The following MAN1A2 variants were observed in gnomAD, a reference collection of about 807,000 sequenced individuals.
MAN1A2 encodes mannosyl-oligosaccharide 1,2-alpha-mannosidase IB.
In MAN1A2, 26 loss-of-function variants were observed where a neutral mutation model predicts 75.7. The ratio of observed to expected loss-of-function variants is 0.34; its 90% CI spans 0.25 to 0.48. The LOEUF is 0.48. MAN1A2 is among the 20% of genes least tolerant of loss of function. The pLI is 0.99. For missense variants in MAN1A2, 562 were observed against 775.5 expected, an observed-to-expected ratio of 0.72 and a Z score of 3.27; for synonymous variants, 247 against 264.6, an observed-to-expected ratio of 0.93 and a Z score of 0.65.
At chr1:117,418,926 A>G (rs2101777864) in intron 4 of MAN1A2, among the ~76,000 whole-genome samples, 1 of 152,244 alleles carries the variant, frequency 6.6e-6, no homozygotes, top group Non-Finnish European at 1.5e-5. Context: ...GTCAGAAAAA[A>G]TTTCTGATAA....
At chr1:117,404,671 CT>C (rs2101757580) in intron 2 of MAN1A2, among the ~76,000 whole-genome samples, 1 of 152,254 alleles carries the variant, frequency 6.6e-6, no homozygotes, top group African/African-American at 2.4e-5. Context: ...TTGTTCCTAC[CT>C]GAATCACATG....
At chr1:117,459,575 G>T (rs750345627) in intron 6 of MAN1A2, among the ~76,000 whole-genome samples, 4 of 152,098 alleles carry the variant, frequency 2.6e-5, no homozygotes, top group Non-Finnish European at 5.9e-5. Flanking sequence ...GTGTTCAGAA[G>T]AAATTTAACC....
At chr1:117,483,956 A>G (rs1473091339) in intron 8 of MAN1A2, among the ~76,000 whole-genome samples, 1 of 151,688 alleles carries the variant, frequency 6.6e-6, no homozygotes, top group Non-Finnish European at 1.5e-5. Context: ...ATGGGGAGGG[A>G]TTTTGCATCA....
intron 1 of MAN1A2, among the ~76,000 whole-genome samples, chr1:117,392,323 C>G (rs1173104483): frequency 6.6e-6 from 1 of 151,888 alleles, no homozygotes; most frequent in Non-Finnish European, 1.5e-5. Context: ...ATTACTTGAT[C>G]TGCATGGCAA....
intron 8 of MAN1A2, among the ~76,000 whole-genome samples, chr1:117,469,868 A>G (rs560983509): frequency 6.6e-6 from 1 of 152,236 alleles, no homozygotes; most frequent in East Asian, 1.9e-4. Context: ...GTACACTGCT[A>G]GTAGGAATGT....
chr1:117,496,660 A>T, intron 9 of MAN1A2, 103 bp from the exon 10 acceptor site: 1 of 794,668 alleles, frequency 1.3e-6, no homozygotes. Context: ...ACTACTTTAT[A>T]GACTATCATA....
intron 12 of MAN1A2, among the ~76,000 whole-genome samples, chr1:117,521,375 C>T (rs1651866028): frequency 6.6e-6 from 1 of 151,826 alleles, no homozygotes; most frequent in African/African-American, 2.4e-5. Flanking sequence ...AACAGACAAC[C>T]CACAGAGTGG....
chr1:117,389,145 A>T (rs187310182), intron 1 of MAN1A2, among the ~76,000 whole-genome samples: 24 of 152,354 alleles, frequency 1.6e-4, no homozygotes, highest in Non-Finnish European at 3.1e-4. Flanking sequence ...CCAAAATCTC[A>T]TAAAATATTG....
chr1:117,465,519 T>A (rs1279147955), intron 7 of MAN1A2, among the ~76,000 whole-genome samples: 1 of 152,180 alleles, frequency 6.6e-6, no homozygotes, highest in Non-Finnish European at 1.5e-5. Context: ...GAAGAATTGA[T>A]ATTGTACTCA....
rs536485432 is a variant in MAN1A2, at chr1:117,526,559, T to C, written c.*3602T>C. 32 of 151,732 alleles carry C rather than the reference T, an allele frequency of 2.1e-4. No individual in the cohort carries two copies. The highest frequency in any genetic ancestry group is 6.8e-3 in the Middle Eastern group (2 of 294). 9.4% of individuals were successfully genotyped at this position (151,732 alleles called of 1,614,324 possible). ...TACTTTAGAAATAAAAACGTTCTTA[T>C]TTTGCTATATCACTTTAATTGCATA... On this transcript the variant is annotated 3_prime_UTR_variant, in exon 13 of 13. Coordinates refer to ENST00000356554, the MANE Select transcript of MAN1A2 (RefSeq NM_006699.5).
At chr1:117,492,836 A>G (rs1000202763) in intron 8 of MAN1A2, among the ~76,000 whole-genome samples, 1 of 152,056 alleles carries the variant, frequency 6.6e-6, no homozygotes, top group Non-Finnish European at 1.5e-5. Flanking sequence ...ATAAAAGGTA[A>G]TTATCAATTC....
At chr1:117,382,278 A>T (rs1341669641) in intron 1 of MAN1A2, among the ~76,000 whole-genome samples, 1 of 152,174 alleles carries the variant, frequency 6.6e-6, no homozygotes, top group Admixed American at 6.6e-5. Flanking sequence ...CCTGAATGTA[A>T]TGCCTAGGTT....
chr1:117,507,586 G>A (rs1651411033), intron 12 of MAN1A2, among the ~76,000 whole-genome samples: 1 of 151,726 alleles, frequency 6.6e-6, no homozygotes, highest in Non-Finnish European at 1.5e-5. Context: ...AAGATTAAAT[G>A]TATAGACTGT....
chr1:117,404,752 G>A (rs1647559671), intron 2 of MAN1A2, among the ~76,000 whole-genome samples: 1 of 152,056 alleles, frequency 6.6e-6, no homozygotes. Flanking sequence ...CTTGCTGTCT[G>A]TTTTTTAAAA....
intron 5 of MAN1A2, among the ~76,000 whole-genome samples, chr1:117,428,111 C>T (rs199883150): frequency 7.7e-6 from 1 of 130,292 alleles, no homozygotes; most frequent in African/African-American, 2.8e-5. Flanking sequence ...CTCTCTCTCT[C>T]TATTTTTTTT....
intron 1 of MAN1A2, among the ~76,000 whole-genome samples, chr1:117,382,255 C>A (rs1334176934): frequency 6.6e-6 from 1 of 152,174 alleles, no homozygotes; most frequent in Non-Finnish European, 1.5e-5. Context: ...GAAGTCCTTG[C>A]CCATGCCTAT....
intron 7 of MAN1A2, among the ~76,000 whole-genome samples, chr1:117,464,231 G>A (rs552384423): frequency 2.6e-5 from 4 of 151,412 alleles, no homozygotes; most frequent in Non-Finnish European, 5.9e-5. Context: ...GGTGGGGCGT[G>A]CCTGTACTCC....
At chr1:117,429,442 C>G (rs7518434) in intron 5 of MAN1A2, among the ~76,000 whole-genome samples, 8 of 118,232 alleles carry the variant, frequency 6.8e-5, no homozygotes, top group African/African-American at 1.0e-4. Flanking sequence ...GCTGACCCCC[C>G]CCACCTCCCT....
intron 12 of MAN1A2, among the ~76,000 whole-genome samples, chr1:117,504,330 TA>T (rs1206162449): frequency 1.7e-4 from 25 of 147,230 alleles, no homozygotes; most frequent in South Asian, 8.6e-4. Flanking sequence ...TTTTTTTTTT[TA>T]AACTTCAGAA....
Sources: allele counts gnomAD v4.1 joint callset (sites outside exome capture counted in the v4.1 genomes callset), GRCh38; gene constraint gnomAD v4.1.1; transcripts MANE v1.5; gene names NCBI Gene and HGNC (gene_info 2026-07-23, HGNC 2026-07-21).